The following DDX60 variants were observed in gnomAD, a reference collection of about 807,000 sequenced individuals.
DDX60 encodes probable ATP-dependent RNA helicase DDX60.
A neutral mutation model predicts 212.8 loss-of-function variants in DDX60; 165 were observed. The ratio of observed to expected loss-of-function variants is 0.78; its 90% confidence interval spans 0.68 to 0.88. DDX60 has a LOEUF of 0.88. DDX60 is among the 40% of genes least tolerant of loss of function. The pLI is 0.00. For synonymous variants in DDX60, 703 were observed against 685.3 expected (o/e 1.03, Z -0.40); for missense variants, 1,905 against 2,003.9 (o/e 0.95, Z 0.94).
In DDX60 at chr4:168,291,840, CCA is replaced by C; in HGVS notation, c.947_948del (p.Val316GlyfsTer15). ...GAAAGAGGCAGATGGAGTAGAAAAA[CCA>C]CAGTGAGACAATGCAGTTTACACAA... ...EDLCKLHCLT[V>X]VFLLHLPLSQ... On this transcript the variant is annotated frameshift_variant, in exon 8 of 38. Transcript: ENST00000393743. LOFTEE classifies it high-confidence loss of function. 1 of 1,613,726 alleles carries C rather than the reference CCA, an allele frequency of 6.2e-7. No homozygotes were observed. Among genetic ancestry groups the C allele is most frequent in the Non-Finnish European group, 8.5e-7 (1 of 1,179,782 alleles).
chr4:168,225,202 A>C, intron 34 of DDX60, among the ~76,000 whole-genome samples: 1 of 152,022 alleles, frequency 6.6e-6, no homozygotes, highest in Non-Finnish European at 1.5e-5. Flanking sequence ...TGTGTTTATG[A>C]AAACTAAGCG....
chr4:168,285,471 A>G lies in DDX60; in HGVS notation c.1367T>C (p.Leu456Ser). Residue 456 changes from leucine to serine, a missense_variant, in exon 11 of 38, where the codon TTG becomes TCG. Leu to Ser is a moderately radical substitution (Grantham distance 145). Transcript: ENST00000393743. ...KDSSNEMVPN[L>S]GFIPTSSFVV... ...AAAAGATGACGTTGGAATAAAACCCAAATTGGGCACCATTTCATTGGAGCT... is the reference window on the plus strand; with the variant it reads ...AAAAGATGACGTTGGAATAAAACCCGAATTGGGCACCATTTCATTGGAGCT... 1 of 1,610,352 alleles carries G rather than the reference A, an allele frequency of 6.2e-7. No individual in the cohort carries two copies. Among genetic ancestry groups the G allele is most frequent in the South Asian group, 1.1e-5 (1 of 90,080 alleles).
chr4:168,257,719 C>T (rs1734469510), intron 25 of DDX60, among the ~76,000 whole-genome samples: 1 of 152,088 alleles, frequency 6.6e-6, no homozygotes, highest in African/African-American at 2.4e-5. Context: ...TCAACCAAAA[C>T]AAAACCAAAG....
chr4:168,217,136 G>A, intron 37 of DDX60, 104 bp from the exon 38 acceptor site: 1 of 675,548 alleles, frequency 1.5e-6, no homozygotes, highest in South Asian at 1.9e-5. Context: ...ATCAGATGAT[G>A]AAATTATGTT....
At chr4:168,218,566 C>T (rs1560805773) in intron 37 of DDX60, among the ~76,000 whole-genome samples, 1 of 152,092 alleles carries the variant, frequency 6.6e-6, no homozygotes, top group Non-Finnish European at 1.5e-5. Flanking sequence ...GCTCATGCTC[C>T]CCTCAGGCTT....
At chr4:168,321,568 A>C (rs1737610870), upstream of DDX60, among the ~76,000 whole-genome samples, 1 of 152,026 alleles carries the variant, frequency 6.6e-6, no homozygotes, top group Non-Finnish European at 1.5e-5. Flanking sequence ...GCACTTTACC[A>C]TTCTCAAGTC....
At chr4:168,230,019 G>A (rs1733389072) in intron 33 of DDX60, among the ~76,000 whole-genome samples, 1 of 152,008 alleles carries the variant, frequency 6.6e-6, no homozygotes, top group Admixed American at 6.6e-5. Flanking sequence ...AGGGAAAGGG[G>A]TGGAGAAACA....
chr4:168,275,560 A>G lies in DDX60; in HGVS notation c.2146-57T>C. 2.8e-6 allele frequency: 4 copies of G among 1,440,902 alleles called. No homozygotes were observed. The South Asian group carries it at 5.7e-5, about 20-fold the overall frequency. 89.3% of individuals were successfully genotyped at this position (1,440,902 alleles called of 1,614,324 possible). On this transcript the variant is annotated intron_variant, in intron 15 of 37. Coordinates refer to ENST00000393743, the MANE Select transcript of DDX60 (RefSeq NM_017631.6). Reference sequence around the variant, plus strand: ...GACATTGAATTAGAATATCATTTAAATAAGTAAAACATTTATTACTGAGCA... The same window carrying G: ...GACATTGAATTAGAATATCATTTAAGTAAGTAAAACATTTATTACTGAGCA...
chr4:168,287,246 T>G, intron 9 of DDX60, 43 bp from the exon 10 acceptor site: 1 of 1,498,906 alleles, frequency 6.7e-7, no homozygotes, highest in South Asian at 1.2e-5. Context: ...AGCCATCCAC[T>G]CCCACATAAA....
chr4:168,302,556 G>A, intron 5 of DDX60, 140 bp from the exon 6 acceptor site: 1 of 430,496 alleles, frequency 2.3e-6, no homozygotes. Flanking sequence ...GTAATTGTAA[G>A]TTTTAAACCC....
At chr4:168,296,990 C>CA (rs1245050375) in intron 6 of DDX60, among the ~76,000 whole-genome samples, 3 of 151,322 alleles carry the variant, frequency 2.0e-5, no homozygotes, top group Non-Finnish European at 4.4e-5. Context: ...CAGCTCACTG[C>CA]AACTGCCATC....
rs540441501 is a variant in DDX60, at chr4:168,250,667, AG to A, written c.3858+286del. 1.7e-3 allele frequency among the ~76,000 whole-genome samples: 257 copies of A among 150,408 alleles called. 1 individual carries two copies. Among genetic ancestry groups the A allele is most frequent in the African/African-American group, 6.0e-3 (245 of 40,870 alleles). ...CAACTTCCTGAATAGCTGGGATTAC[AG>A]GCACCTGCCACCACGCCCGGCTAAT... On this transcript the variant is annotated intron_variant, in intron 28 of 37. Coordinates refer to ENST00000393743, the MANE Select transcript of DDX60 (RefSeq NM_017631.6).
At chr4:168,324,161 G>A in the DDX60 span, among the ~76,000 whole-genome samples, 27 of 152,162 alleles carry the variant, frequency 1.8e-4, no homozygotes, top group African/African-American at 1.9e-4. Context: ...CCTTGGTAGC[G>A]GAGCCAGGCC....
chr4:168,276,651 A>G (rs1238721608), intron 14 of DDX60, among the ~76,000 whole-genome samples: 1 of 152,206 alleles, frequency 6.6e-6, no homozygotes, highest in Non-Finnish European at 1.5e-5. Context: ...CAACTGTCAC[A>G]TTCTAGATGT....
At chr4:168,316,752 G>A (rs984257465) in intron 1 of DDX60, among the ~76,000 whole-genome samples, 1 of 151,888 alleles carries the variant, frequency 6.6e-6, no homozygotes, top group Non-Finnish European at 1.5e-5. Flanking sequence ...ATAGAGGCAA[G>A]TGTCCACACC....
In DDX60 at chr4:168,246,430, A is replaced by G. The variant is rs1449445103; in HGVS notation, c.4152T>C (p.Asp1384=). The part of the protein sequence containing the change: ...LLASKGDDPE[D]AKAKVLSVLK... ...TCCAGCACGGTACCTTTGCCTTGGC[A>G]TCCTCTGGGTCATCTCCCTTGGAAG... The change falls in exon 30 of 38, where the codon GAT becomes GAC. Residue 1384 remains aspartate (D), a synonymous_variant. Coordinates refer to ENST00000393743, the MANE Select transcript of DDX60 (RefSeq NM_017631.6). 3 of 1,613,974 alleles carry G rather than the reference A, an allele frequency of 1.9e-6. No homozygotes were observed. The highest frequency in any genetic ancestry group is 1.7e-4 in the Middle Eastern group (1 of 6,040).
chr4:168,258,388 C>T (rs1734498337), intron 25 of DDX60, among the ~76,000 whole-genome samples: 1 of 152,084 alleles, frequency 6.6e-6, no homozygotes, highest in South Asian at 2.1e-4. Context: ...GAAGTGTGTG[C>T]CCTTAAGCAC....
At chr4:168,275,842 T>A (rs1196557373) in intron 15 of DDX60, among the ~76,000 whole-genome samples, 173 bp downstream of exon 15, 1 of 152,056 alleles carries the variant, frequency 6.6e-6, no homozygotes, top group Non-Finnish European at 1.5e-5. Context: ...TAAGCATTTG[T>A]ACAAATTTTC....
At chr4:168,232,850 A>G (rs184587176) in intron 33 of DDX60, among the ~76,000 whole-genome samples, 1 of 152,268 alleles carries the variant, frequency 6.6e-6, no homozygotes, top group Admixed American at 6.5e-5. Context: ...AAAAACAAAG[A>G]TAAATAGATG....
Sources: gnomAD v4.1 joint callset for allele counts (sites outside exome capture counted in the v4.1 genomes callset) on GRCh38, gnomAD v4.1.1 for gene constraint, MANE v1.5 for transcripts, NCBI Gene and HGNC (gene_info 2026-07-23, HGNC 2026-07-21) for gene names.